Variants in CEP192 observed in about 807,000 individuals in gnomAD.
CEP192 encodes centrosomal protein of 192 kDa.
Under a neutral mutation model 271.8 loss-of-function variants are expected in CEP192, and 151 were observed. That is an observed-to-expected ratio of 0.56 (90% confidence interval 0.49 to 0.64). CEP192 has a LOEUF of 0.64. CEP192 is among the 30% of genes least tolerant of loss of function. The pLI is 0.00. For synonymous variants in CEP192, 995 were observed against 1,076.5 expected, an observed-to-expected ratio of 0.92 and a Z score of 1.48; for missense variants, 2,910 against 3,020.5, an observed-to-expected ratio of 0.96 and a Z score of 0.86.
At chr18:13,038,601 A>C in intron 13 of CEP192, 22 bp downstream of exon 13, 1 of 1,504,118 alleles carries the variant, frequency 6.6e-7, no homozygotes. Flanking sequence ...ATCTGTTGGA[A>C]GTGCTCACAG....
intron 21 of CEP192, among the ~76,000 whole-genome samples, chr18:13,060,910 C>T (rs778931970): frequency 1.7e-4 from 24 of 143,326 alleles, no homozygotes; most frequent in Non-Finnish European, 3.2e-4. Flanking sequence ...GGCAACAGAG[C>T]GAGACCCAGT....
At chr18:13,028,263 G>T (rs1481925311) in intron 9 of CEP192, among the ~76,000 whole-genome samples, 1 of 152,196 alleles carries the variant, frequency 6.6e-6, no homozygotes, top group Non-Finnish European at 1.5e-5. Flanking sequence ...CTAAATCCAG[G>T]ATGGTCTTAT....
chr18:13,015,096 G>A (rs1568281400), intron 5 of CEP192, among the ~76,000 whole-genome samples: 3 of 152,192 alleles, frequency 2.0e-5, no homozygotes, highest in Admixed American at 2.0e-4. Context: ...TTTGAGGGAA[G>A]CCTTAAGTTT....
chr18:13,105,581 A>G (rs1479665172), intron 40 of CEP192, among the ~76,000 whole-genome samples: 2 of 152,248 alleles, frequency 1.3e-5, no homozygotes, highest in African/African-American at 4.8e-5. Context: ...GCCGAAACTT[A>G]CTGGCTCATT....
At chr18:13,111,910 C>T (rs897820844) in intron 40 of CEP192, among the ~76,000 whole-genome samples, 3 of 151,976 alleles carry the variant, frequency 2.0e-5, no homozygotes, top group Non-Finnish European at 2.9e-5. Context: ...GCAATCAAAA[C>T]GAGAAATGAA....
chr18:13,030,420 G>T (rs1219015627), intron 10 of CEP192, 45 bp from the exon 11 acceptor site: 34 of 1,456,014 alleles, frequency 2.3e-5, no homozygotes, highest in Middle Eastern at 2.4e-4. Context: ...TGTCATTTTA[G>T]TTGTTACATG....
At chr18:13,084,360 C>T (rs1287812359) in intron 30 of CEP192, among the ~76,000 whole-genome samples, 1 of 151,904 alleles carries the variant, frequency 6.6e-6, no homozygotes, top group Non-Finnish European at 1.5e-5. Context: ...CAGGCTACTG[C>T]CTTACAGGTG....
intron 15 of CEP192, among the ~76,000 whole-genome samples, chr18:13,043,697 A>T (rs1449789164): frequency 1.3e-5 from 2 of 152,206 alleles, no homozygotes; most frequent in African/African-American, 4.8e-5. Flanking sequence ...AATTTAATTT[A>T]TGGAGCAGTA....
intron 15 of CEP192, among the ~76,000 whole-genome samples, chr18:13,046,829 C>CTT (rs574030180): frequency 0.11 from 13,986 of 122,240 alleles, 1,114 homozygotes; most frequent in South Asian, 0.22. Flanking sequence ...AATATCCTTA[C>CTT]TTTTTTTTTT....
At chr18:13,117,682 G>C in intron 44 of CEP192, 39 bp downstream of exon 44, 1 of 1,522,862 alleles carries the variant, frequency 6.6e-7, no homozygotes, top group Non-Finnish European at 9.1e-7. Context: ...CATCAGCGAT[G>C]CAGGACTTTC....
intron 38 of CEP192, 98 bp from the exon 39 acceptor site, chr18:13,103,411 T>G: frequency 1.1e-6 from 1 of 872,796 alleles, no homozygotes; most frequent in Non-Finnish European, 1.9e-6. Context: ...ATGATTGGGG[T>G]TTTTTAACCC....
chr18:13,063,751 G>T (rs1382095910), intron 21 of CEP192, among the ~76,000 whole-genome samples: 1 of 151,484 alleles, frequency 6.6e-6, no homozygotes, highest in Non-Finnish European at 1.5e-5. Flanking sequence ...GTTTGTTTTG[G>T]TTGCCTTCGT....
At chr18:13,123,732 T>A (rs2040779363) in intron 44 of CEP192, among the ~76,000 whole-genome samples, 1 of 152,184 alleles carries the variant, frequency 6.6e-6, no homozygotes, top group East Asian at 1.9e-4. Context: ...TATTTTGAGG[T>A]GTATTTTGAA....
At chr18:13,023,476 ATT>A (rs71370926) in intron 9 of CEP192, among the ~76,000 whole-genome samples, 67 of 138,840 alleles carry the variant, frequency 4.8e-4, no homozygotes, top group Admixed American at 3.1e-3. Flanking sequence ...ATTTTTGTCA[ATT>A]TTTTTTTTTT....
chr18:13,096,480 G>A (rs1290839644), intron 36 of CEP192, among the ~76,000 whole-genome samples, 173 bp downstream of exon 36: 3 of 152,072 alleles, frequency 2.0e-5, no homozygotes, highest in African/African-American at 7.2e-5. Context: ...AGTGGTAGGC[G>A]GTCTAGTGGA....
At chr18:13,013,566 G>T (rs1258833644) in intron 5 of CEP192, among the ~76,000 whole-genome samples, 3 of 152,172 alleles carry the variant, frequency 2.0e-5, no homozygotes, top group Non-Finnish European at 4.4e-5. Flanking sequence ...CAAGGGGTGG[G>T]TTGGGATGAG....
chr18:13,067,217 A>C (rs2037755787), intron 21 of CEP192, among the ~76,000 whole-genome samples: 1 of 152,144 alleles, frequency 6.6e-6, no homozygotes, highest in South Asian at 2.1e-4. Context: ...AGGTGTTTGA[A>C]GTATACAGGA....
intron 38 of CEP192, among the ~76,000 whole-genome samples, chr18:13,102,758 G>C (rs1274762046): frequency 6.6e-6 from 1 of 152,130 alleles, no homozygotes; most frequent in South Asian, 2.1e-4. Context: ...AGACTGGCAG[G>C]GTCCCGGCCC....
chr18:13,088,713 A>G (rs972966083), intron 32 of CEP192: 1 of 245,378 alleles, frequency 4.1e-6, no homozygotes, highest in Admixed American at 4.7e-5. Flanking sequence ...TTTTATTCTA[A>G]TACAGAATTT....
Sources: allele counts gnomAD v4.1 joint callset (sites outside exome capture counted in the v4.1 genomes callset), GRCh38; gene constraint gnomAD v4.1.1; transcripts MANE v1.5; gene names NCBI Gene and HGNC (gene_info 2026-07-23, HGNC 2026-07-21).